RAB4B: variants seen among roughly 807,000 people sequenced by gnomAD.
RAB4B encodes ras-related protein Rab-4B.
RAB4B carries 15 observed loss-of-function variants against 28.3 expected under a neutral mutation model. That is an observed-to-expected ratio of 0.53 (90% confidence interval 0.35 to 0.82). RAB4B has a LOEUF of 0.82. RAB4B is among the 40% of genes least tolerant of loss of function. RAB4B has a pLI of 0.01. For missense variants in RAB4B, 244 were observed against 288.5 expected, an observed-to-expected ratio of 0.85 and a Z score of 1.12; for synonymous variants, 108 against 116.3, an observed-to-expected ratio of 0.93 and a Z score of 0.46.
chr19:40,789,078 C>T lies in RAB4B; in HGVS notation c.*15+2100C>T, dbSNP rs141122777. ...TACAGTGTGAGCCACCGCACCTGGC[C>T]GACACAGGGTTTCATCATGTTGGCC... On this transcript the variant is annotated intron_variant, in intron 7 of 7. Transcript: ENST00000357052. Among the ~76,000 whole-genome samples, 40 of 151,840 alleles carry T rather than the reference C, an allele frequency of 2.6e-4. 1 individual carries two copies. Among genetic ancestry groups the T allele is most frequent in the African/African-American group, 8.0e-4 (33 of 41,388 alleles).
At chr19:40,784,169 G>T in intron 5 of RAB4B, 94 bp downstream of exon 5, 1 of 1,432,978 alleles carries the variant, frequency 7.0e-7, no homozygotes, top group South Asian at 1.5e-5. Context: ...CCCAGCAGGG[G>T]AACGTGGAGG....
rs768877367 is a variant in RAB4B, at chr19:40,786,702, G to T, written c.468G>T (p.Glu156Asp). 6 of 1,614,000 alleles carry T rather than the reference G, an allele frequency of 3.7e-6. No homozygotes were observed. The highest frequency in any genetic ancestry group is 3.3e-5 in the Admixed American group (2 of 60,000). Residue 156 changes from glutamate (E) to aspartate (D), a missense_variant, in exon 6 of 8, where the codon GAG (glutamate) becomes GAT (aspartate). Glu to Asp is a conservative substitution (Grantham distance 45). Coordinates refer to ENST00000357052, the MANE Select transcript of RAB4B (RefSeq NM_016154.5). ...MFLETSALTG[E>D]NVEEAFLKCA... Reference sequence around the variant, plus strand: ...TGGAGACCAGCGCTCTCACAGGCGAGAACGTGGAGGAGGCGTTCCTCAAGT... The same window carrying T: ...TGGAGACCAGCGCTCTCACAGGCGATAACGTGGAGGAGGCGTTCCTCAAGT...
chr19:40,783,720 G>T, intron 3 of RAB4B, 58 bp from the exon 4 acceptor site: 1 of 1,483,036 alleles, frequency 6.7e-7, no homozygotes. Flanking sequence ...CTGTAGAGGG[G>T]GGCATTCTCG....
intron 3 of RAB4B, among the ~76,000 whole-genome samples, chr19:40,783,417 G>T (rs1423437700): frequency 6.6e-6 from 1 of 152,094 alleles, no homozygotes; most frequent in Non-Finnish European, 1.5e-5. Context: ...CTGCACTCCA[G>T]CCTGGGCTAC....
intron 1 of RAB4B, chr19:40,779,615 T>G (rs2083027932): frequency 4.8e-6 from 1 of 210,066 alleles, no homozygotes; most frequent in African/African-American, 2.4e-5. Context: ...TGGTGGCGCA[T>G]GCCTGTAATC....
At position 40,784,908 on chromosome 19, in the gene RAB4B, T is replaced by G. The variant is rs2083084203; in HGVS notation, c.430+833T>G. On this transcript the variant is annotated intron_variant, in intron 5 of 7. Transcript: ENST00000357052. ...CAGGCTGGAGTATAGTGGCGCAATC[T>G]CGGCTCACTGCAACTTCTGCCTCAG... is the stretch of plus-strand genomic sequence containing the variant. 1.3e-5 allele frequency among the ~76,000 whole-genome samples: 2 copies of G among 150,368 alleles called. 1 individual carries two copies. Among genetic ancestry groups the G allele is most frequent in the South Asian group, 4.2e-4 (2 of 4,726 alleles).
intron 5 of RAB4B, chr19:40,785,843 C>T (rs914618791): frequency 6.5e-6 from 1 of 154,576 alleles, no homozygotes; most frequent in Admixed American, 6.5e-5. Context: ...AGACCCACTT[C>T]CAGACAGTGA....
At chr19:40,785,200 A>C (rs941053835) in intron 5 of RAB4B, among the ~76,000 whole-genome samples, 1 of 151,962 alleles carries the variant, frequency 6.6e-6, no homozygotes, top group Non-Finnish European at 1.5e-5. Flanking sequence ...GCATACTGAC[A>C]ACCCACACCA....
intron 1 of RAB4B, 58 bp downstream of exon 1, chr19:40,778,449 G>A: frequency 7.2e-7 from 1 of 1,395,516 alleles, no homozygotes; most frequent in Non-Finnish European, 9.3e-7. Context: ...GATGCGGCCT[G>A]TGGGAATGGG....
chr19:40,786,410 G>A (rs2145049935), intron 5 of RAB4B: 2 of 462,492 alleles, frequency 4.3e-6, no homozygotes, highest in African/African-American at 2.0e-5. Context: ...GCCCTAAGTC[G>A]GTACCTGACT....
chr19:40,786,149 C>A (rs1326231682), intron 5 of RAB4B: 5 of 171,300 alleles, frequency 2.9e-5, no homozygotes, highest in Non-Finnish European at 4.8e-5. Context: ...TTGGGAGGCA[C>A]AGGCAGAGCG....
At position 40,786,925 on chromosome 19, in the gene RAB4B, A is replaced by G; in HGVS notation, c.604A>G (p.Ser202Gly). 6.2e-7 allele frequency: 1 copy of G among 1,614,028 alleles called. No homozygotes were observed. Among genetic ancestry groups the G allele is most frequent in the Non-Finnish European group, 8.5e-7 (1 of 1,179,972 alleles). Residue 202 changes from serine to glycine, a missense_variant, in exon 7 of 8, where the codon AGT becomes GGT. Coordinates refer to ENST00000357052, the MANE Select transcript of RAB4B (RefSeq NM_016154.5). ...ASLRQLRQPR[S>G]AQAVAPQPCG... ...CCTCCGCCAGCTTCGGCAGCCTCGG[A>G]GTGCCCAGGCCGTGGCCCCTCAGCC...
chr19:40,786,750 G>A lies in RAB4B; in HGVS notation c.516G>A (p.Lys172=), dbSNP rs1367770022. ...AGTGTGCCCGCACTATCCTCAACAA[G>A]ATTGACTCAGGTGAGGCCCCGACCG... The part of the protein sequence containing the change: ...FLKCARTILN[K]IDSGELDPER... The change falls in exon 6 of 8, where the codon AAG becomes AAA. Residue 172 remains lysine, a synonymous_variant. Transcript: ENST00000357052. 1.9e-6 allele frequency: 3 copies of A among 1,614,190 alleles called. No homozygotes were observed. The highest frequency in any genetic ancestry group is 2.5e-6 in the Non-Finnish European group (3 of 1,180,010).
rs773805522 is a variant in RAB4B at position 40,780,439 on chromosome 19, A to C, written c.152A>C (p.Asn51Thr). ...IGVEFGSRVV[N>T]VGGKTVKLQI... ...GTGGAGTTTGGATCCCGGGTGGTCA[A>C]CGTGGGTGGGAAGACTGTGAAGCTA... Residue 51 changes from asparagine to threonine, a missense_variant, in exon 3 of 8, where the codon AAC becomes ACC. Asn to Thr is a moderately conservative substitution (Grantham distance 65). Coordinates refer to ENST00000357052, the MANE Select transcript of RAB4B (RefSeq NM_016154.5). 8.7e-6 allele frequency: 14 copies of C among 1,613,620 alleles called. No homozygotes were observed. The highest frequency in any genetic ancestry group is 1.7e-5 in the Admixed American group (1 of 59,910).
intron 5 of RAB4B, 70 bp downstream of exon 5, chr19:40,784,145 T>C: frequency 6.7e-7 from 1 of 1,491,252 alleles, no homozygotes; most frequent in Non-Finnish European, 9.0e-7. Flanking sequence ...GTTTACTGGC[T>C]CTCAGTGGCT....
chr19:40,795,373 A>T (rs1243244420), intron 7 of RAB4B, among the ~76,000 whole-genome samples: 1 of 28,256 alleles, frequency 3.5e-5, no homozygotes, highest in Middle Eastern at 0.012. Context: ...GGTTCATTTT[A>T]TTTATTTATT....
chr19:40,791,934 C>T (rs1227163686), intron 7 of RAB4B, among the ~76,000 whole-genome samples: 1 of 152,236 alleles, frequency 6.6e-6, no homozygotes, highest in Non-Finnish European at 1.5e-5. Context: ...CACCCGGCCC[C>T]AAACTTCTTG....
intron 2 of RAB4B, 71 bp from the exon 3 acceptor site, chr19:40,780,314 T>G: frequency 6.8e-7 from 1 of 1,479,834 alleles, no homozygotes; most frequent in Non-Finnish European, 9.2e-7. Flanking sequence ...GAGAGGGCCT[T>G]GGAGGATGGG....
intron 7 of RAB4B, among the ~76,000 whole-genome samples, chr19:40,790,415 G>A (rs955010034): frequency 6.6e-6 from 1 of 151,216 alleles, no homozygotes; most frequent in Non-Finnish European, 1.5e-5. Context: ...CTGTCACCCA[G>A]GCTGGAGTGC....
Sources: gnomAD v4.1 joint callset for allele counts (sites outside exome capture counted in the v4.1 genomes callset) on GRCh38, gnomAD v4.1.1 for gene constraint, MANE v1.5 for transcripts, NCBI Gene and HGNC (gene_info 2026-07-23, HGNC 2026-07-21) for gene names.